Variants in FRK observed in about 807,000 individuals in gnomAD.
The protein encoded by FRK is tyrosine-protein kinase FRK.
Under a neutral mutation model 56.4 loss-of-function variants are expected in FRK, and 51 were observed. The ratio of observed to expected loss-of-function variants is 0.90; its 90% confidence interval spans 0.72 to 1.14. The LOEUF is 1.14. Ranked by LOEUF, FRK falls within the 50% of genes most tolerant of loss-of-function variation. The pLI is 0.00. For synonymous variants in FRK, 245 were observed against 217.9 expected, an observed-to-expected ratio of 1.12 and a Z score of -1.10; for missense variants, 570 against 601.4, an observed-to-expected ratio of 0.95 and a Z score of 0.55.
chr6:115,956,467 G>T lies in FRK; in HGVS notation c.943C>A (p.Gln315Lys), dbSNP rs1229161049. Residue 315 changes from glutamine (Q) to lysine (K), a missense_variant, in exon 5 of 8, where the codon CAA (glutamine) becomes AAA (lysine). Physicochemically the swap from Gln to Lys is moderately conservative, Grantham distance 53. Transcript: ENST00000606080. The stretch of plus-strand genomic sequence containing the variant: ...TTTAGCTTACTTTGGAGATATTCTT[G>T]CAGACTTCCATGTCTCATCAACTCT... The part of the protein sequence containing the change: ...ITELMRHGSL[Q>K]EYLQNDTGSK... The T allele has an allele frequency of 1.3e-6, 2 of 1,529,648 alleles. No homozygotes were observed. The highest frequency in any genetic ancestry group is 1.4e-5 in the South Asian group (1 of 73,726). The allele number at this position is 1,529,648 out of a possible 1,614,324, so 94.8% of individuals were successfully genotyped here. A position where few individuals can be genotyped will look rare whatever the true frequency, so the allele number is the denominator to read the frequency against.
intron 1 of FRK, among the ~76,000 whole-genome samples, chr6:116,022,361 T>C (rs931951519): frequency 6.6e-6 from 1 of 152,116 alleles, no homozygotes; most frequent in Non-Finnish European, 1.5e-5. Flanking sequence ...TAGAGAATCA[T>C]CTTTTTCCAA....
chr6:116,062,680 G>A (rs1286939836), upstream of FRK, among the ~76,000 whole-genome samples: 34 of 152,126 alleles, frequency 2.2e-4, no homozygotes, highest in South Asian at 2.1e-4. Flanking sequence ...TTCAAAAAGC[G>A]GCCAACCATC....
At chr6:115,960,539 C>T (rs1371925046) in intron 4 of FRK, among the ~76,000 whole-genome samples, 5 of 144,210 alleles carry the variant, frequency 3.5e-5, no homozygotes, top group Admixed American at 6.8e-5. Context: ...GGGTGGAGCC[C>T]ACCACAGCTC....
chr6:116,080,521 A>G, the FRK span, among the ~76,000 whole-genome samples: 1 of 152,230 alleles, frequency 6.6e-6, no homozygotes, highest in African/African-American at 2.4e-5. Context: ...TGCCTACGCA[A>G]AAATGTTAAA....
At chr6:116,098,768 T>A in the FRK span, among the ~76,000 whole-genome samples, 1 of 152,166 alleles carries the variant, frequency 6.6e-6, no homozygotes, top group African/African-American at 2.4e-5. Context: ...AATATCTTTA[T>A]CCAAAAATAA....
intron 1 of FRK, among the ~76,000 whole-genome samples, chr6:116,043,516 A>G (rs1776810060): frequency 6.6e-6 from 1 of 152,224 alleles, no homozygotes; most frequent in Non-Finnish European, 1.5e-5. Context: ...TAAGGCAGAA[A>G]TAAATAAGTT....
rs537441073 is a variant in FRK, at chr6:116,060,101, C to A, written c.211G>T (p.Val71Phe). 1 of 1,614,188 alleles carries A rather than the reference C, an allele frequency of 6.2e-7. No individual in the cohort carries two copies. Among genetic ancestry groups the A allele is most frequent in the South Asian group, 1.1e-5 (1 of 91,078 alleles). Residue 71 changes from valine (V) to phenylalanine (F), a missense_variant, in exon 1 of 8, where the codon GTT becomes TTT. Val to Phe is a conservative substitution (Grantham distance 50, BLOSUM62 -1). Coordinates refer to ENST00000606080, the MANE Select transcript of FRK (RefSeq NM_002031.3). Reference sequence around the variant, plus strand: ...CAGCCCTCATGCAAAGTGTCCAGAACTTGAAGTTTGTCACCTGCTCGGAAG... The same window carrying A: ...CAGCCCTCATGCAAAGTGTCCAGAAATTGAAGTTTGTCACCTGCTCGGAAG... ...LSFRAGDKLQ[V>F]LDTLHEGWWF... is the part of the protein sequence containing the mutation.
At chr6:116,025,014 C>A (rs1776033576) in intron 1 of FRK, among the ~76,000 whole-genome samples, 1 of 152,048 alleles carries the variant, frequency 6.6e-6, no homozygotes. Flanking sequence ...CTCTGATGGC[C>A]AGTGATGGTG....
In FRK at chr6:115,981,453, C is replaced by T. The variant is rs138232277; in HGVS notation, c.467-12714G>A. Among the ~76,000 whole-genome samples the T allele has an allele frequency of 2.3e-3, 347 of 152,126 alleles. 1 individual carries two copies. Among genetic ancestry groups the T allele is most frequent in the African/African-American group, 7.6e-3 (316 of 41,534 alleles). ...ATAGAAACATTTAACCACTAATTTC[C>T]TATTTCTTGATCAAAGAAAAAAAGG... is the stretch of plus-strand genomic sequence containing the variant. On this transcript the variant is annotated intron_variant, in intron 2 of 7. Transcript: ENST00000606080.
intron 1 of FRK, among the ~76,000 whole-genome samples, chr6:116,058,195 A>G (rs889333577): frequency 5.9e-5 from 9 of 152,214 alleles, no homozygotes; most frequent in African/African-American, 2.2e-4. Flanking sequence ...CATACAGGAC[A>G]TAGAAATCAT....
intron 2 of FRK, among the ~76,000 whole-genome samples, chr6:115,991,040 A>G (rs1032029346): frequency 6.6e-6 from 1 of 151,692 alleles, no homozygotes; most frequent in Non-Finnish European, 1.5e-5. Flanking sequence ...GCTATTGCAA[A>G]TAAGACTGAG....
At chr6:115,946,686 G>C (rs1355617626) in intron 5 of FRK, among the ~76,000 whole-genome samples, 4 of 152,172 alleles carry the variant, frequency 2.6e-5, no homozygotes, top group Non-Finnish European at 1.5e-5. Flanking sequence ...GGAAATGACA[G>C]AGAAACACCA....
intron 4 of FRK, among the ~76,000 whole-genome samples, chr6:115,963,077 A>AAG: frequency 5.2e-5 from 3 of 58,074 alleles, no homozygotes; most frequent in Non-Finnish European, 7.0e-5. Flanking sequence ...AGAGACACAA[A>AAG]AAAACCTTCA....
At chr6:116,006,170 A>T (rs144454641) in intron 1 of FRK, among the ~76,000 whole-genome samples, 276 of 152,288 alleles carry the variant, frequency 1.8e-3, no homozygotes, top group African/African-American at 6.1e-3. Context: ...TATAATCGAT[A>T]AGAGAAAGAC....
At chr6:116,072,490 T>C in the FRK span, among the ~76,000 whole-genome samples, 85 of 151,512 alleles carry the variant, frequency 5.6e-4, no homozygotes, top group African/African-American at 1.7e-3. Context: ...CTTTGAGTGA[T>C]GAAATGTTAG....
intron 1 of FRK, chr6:116,038,990 C>T (rs1421391281): frequency 2.8e-6 from 2 of 717,178 alleles, no homozygotes. Flanking sequence ...GGGAGATCAG[C>T]CCTGGCATGA....
Position 115,956,472 on chromosome 6 carries a change from C to T in FRK, c.938G>A (p.Ser313Asn). Residue 313 changes from serine (S) to asparagine (N), a missense_variant, in exon 5 of 8, where the codon AGT becomes AAT. Transcript: ENST00000606080. ...YIITELMRHG[S>N]LQEYLQNDTG... ...CTTACTTTGGAGATATTCTTGCAGA[C>T]TTCCATGTCTCATCAACTCTGTAAT... is the stretch of plus-strand genomic sequence containing the variant. 1 of 1,545,650 alleles carries T rather than the reference C, an allele frequency of 6.5e-7. No homozygotes were observed.
chr6:116,075,896 G>A, the FRK span, among the ~76,000 whole-genome samples: 1 of 152,118 alleles, frequency 6.6e-6, no homozygotes, highest in Non-Finnish European at 1.5e-5. Flanking sequence ...TGCAGGGCCT[G>A]TAGACTGTAG....
the FRK span, among the ~76,000 whole-genome samples, chr6:116,098,443 C>T: frequency 6.6e-6 from 1 of 152,114 alleles, no homozygotes; most frequent in Non-Finnish European, 1.5e-5. Flanking sequence ...CTCACATGGC[C>T]TTTCTTGTGT....
Sources: allele counts gnomAD v4.1 joint callset (sites outside exome capture counted in the v4.1 genomes callset), GRCh38; gene constraint gnomAD v4.1.1; transcripts MANE v1.5; gene names NCBI Gene and HGNC (gene_info 2026-07-23, HGNC 2026-07-21).